The following ITIH2 variants were observed in gnomAD, a reference collection of about 807,000 sequenced individuals.
ITIH2 encodes inter-alpha-trypsin inhibitor heavy chain 2.
Under a neutral mutation model 104.4 loss-of-function variants are expected in ITIH2, and 103 were observed. The observed-to-expected ratio is 0.99, with a 90% CI of 0.84 to 1.16. The LOEUF is 1.16. Ranked by LOEUF, ITIH2 falls within the 50% of genes most tolerant of loss-of-function variation. ITIH2 has a pLI of 0.00. For synonymous variants in ITIH2, 436 were observed against 435.4 expected, an observed-to-expected ratio of 1.00 and a Z score of -0.02; for missense variants, 1,108 against 1,162.4, an observed-to-expected ratio of 0.95 and a Z score of 0.68.
At chr10:7,715,222 A>G (rs1037077472) in intron 5 of ITIH2, among the ~76,000 whole-genome samples, 1 of 152,154 alleles carries the variant, frequency 6.6e-6, no homozygotes. Context: ...GGAGACCGAG[A>G]CCATCCTGGC....
Position 7,741,039 on chromosome 10 carries a change from T to C in ITIH2, c.2096-2107T>C, listed in dbSNP as rs142005965. Among the ~76,000 whole-genome samples, 805 of 152,334 alleles carry C rather than the reference T, an allele frequency of 5.3e-3. 3 individuals are homozygous for C. Among genetic ancestry groups the C allele is most frequent in the African/African-American group, 0.018 (751 of 41,578 alleles). On this transcript the variant is annotated intron_variant, in intron 16 of 20. Coordinates refer to ENST00000358415, the MANE Select transcript of ITIH2 (RefSeq NM_002216.3). ...CACTGTTGCCTATCAGAAGGTCTGATTGGCGGGATTTGAGCTAATTAAATG... is the reference window on the plus strand; with the variant it reads ...CACTGTTGCCTATCAGAAGGTCTGACTGGCGGGATTTGAGCTAATTAAATG...
rs565650942 is a variant in ITIH2, at chr10:7,721,917, ATT to A, written c.867+141_867+142del. ...GCTGCAGAGAAGGGACTAAAATCAT[ATT>A]CTTTGAATATACCGCTAAGCATTAT... On this transcript the variant is annotated intron_variant, in intron 8 of 20. Transcript: ENST00000358415. The A allele has an allele frequency of 1.2e-3, 970 of 792,450 alleles. 6 individuals carry two copies. In the African/African-American group the frequency reaches 0.013, roughly 11 times the overall value. 49.1% of individuals were successfully genotyped at this position (792,450 alleles called of 1,614,324 possible).
chr10:7,727,752 A>G lies in ITIH2; in HGVS notation c.1203A>G (p.Glu401=), dbSNP rs1463470362. ...TACGGGCAATCTTCATTTTGAATGA[A>G]GCCAATAACTTGGGACTGTTAGACC... ...ALLRAIFILN[E]ANNLGLLDPN... The change falls in exon 11 of 21, where the codon GAA becomes GAG. Residue 401 remains glutamate, a synonymous_variant. Coordinates refer to ENST00000358415, the MANE Select transcript of ITIH2 (RefSeq NM_002216.3). 1.2e-6 allele frequency: 2 copies of G among 1,614,042 alleles called. No individual in the cohort carries two copies. Among genetic ancestry groups the G allele is most frequent in the African/African-American group, 1.3e-5 (1 of 74,934 alleles).
intron 19 of ITIH2, among the ~76,000 whole-genome samples, chr10:7,745,230 T>G (rs939441466): frequency 6.6e-6 from 1 of 152,180 alleles, no homozygotes; most frequent in African/African-American, 2.4e-5. Context: ...TGTTAAAGAT[T>G]TTTTTCTAAC....
At chr10:7,707,775 G>A (rs918646030) in intron 3 of ITIH2, among the ~76,000 whole-genome samples, 1 of 152,118 alleles carries the variant, frequency 6.6e-6, no homozygotes, top group Non-Finnish European at 1.5e-5. Flanking sequence ...ATGTTGGCCA[G>A]GCTGGTCTCG....
At chr10:7,722,109 G>A (rs560262969) in intron 8 of ITIH2, among the ~76,000 whole-genome samples, 2 of 152,090 alleles carry the variant, frequency 1.3e-5, no homozygotes, top group African/African-American at 2.4e-5. Context: ...CAGAGATTAC[G>A]GGGTGAGGAG....
At chr10:7,732,679 A>G (rs1835015111) in intron 14 of ITIH2, among the ~76,000 whole-genome samples, 1 of 142,488 alleles carries the variant, frequency 7.0e-6, no homozygotes, top group Non-Finnish European at 1.5e-5. Context: ...GGTATAACAT[A>G]CAGTAAAGTA....
intron 1 of ITIH2, among the ~76,000 whole-genome samples, chr10:7,704,198 A>G (rs912109514): frequency 6.6e-6 from 1 of 152,238 alleles, no homozygotes; most frequent in Admixed American, 6.5e-5. Context: ...AAAGCGAAGC[A>G]TGTTATGGGA....
intron 14 of ITIH2, 42 bp from the exon 15 acceptor site, chr10:7,734,880 A>T: frequency 1.3e-6 from 2 of 1,542,858 alleles, no homozygotes; most frequent in South Asian, 2.3e-5. Flanking sequence ...CTCCCCCTCC[A>T]ATGCAGCCAT....
chr10:7,718,209 A>G (rs569139209), intron 6 of ITIH2, among the ~76,000 whole-genome samples: 7 of 152,012 alleles, frequency 4.6e-5, no homozygotes, highest in African/African-American at 1.7e-4. Flanking sequence ...GATCACTCCA[A>G]TCTCTTCTTC....
In ITIH2 at chr10:7,705,139, C is replaced by A. The variant is rs375304274; in HGVS notation, c.116C>A (p.Ala39Asp). The A allele has an allele frequency of 1.2e-6, 2 of 1,611,958 alleles. No homozygotes were observed. Among genetic ancestry groups the A allele is most frequent in the African/African-American group, 1.3e-5 (1 of 74,620 alleles). The change falls in exon 2 of 21, where the codon GCC becomes GAC. Residue 39 changes from alanine to aspartate, a missense_variant. Coordinates refer to ENST00000358415, the MANE Select transcript of ITIH2 (RefSeq NM_002216.3). ...FVDYEDLVEL[A>D]PGKFQLVAEN... is the part of the protein sequence containing the mutation. Reference sequence around the variant, plus strand: ...GACTATGAAGATCTTGTGGAACTGGCCCCAGGCAAATTTCAATTGGTGGCA... The same window carrying A: ...GACTATGAAGATCTTGTGGAACTGGACCCAGGCAAATTTCAATTGGTGGCA...
At chr10:7,703,744 A>T (rs542628616) in intron 1 of ITIH2, among the ~76,000 whole-genome samples, 1 of 152,370 alleles carries the variant, frequency 6.6e-6, no homozygotes, top group African/African-American at 2.4e-5. Flanking sequence ...GGCAGGCATC[A>T]GAGCGTAGCA....
At chr10:7,748,989 C>T (rs527272396) in intron 20 of ITIH2, among the ~76,000 whole-genome samples, 198 bp from the exon 21 acceptor site, 9 of 152,234 alleles carry the variant, frequency 5.9e-5, no homozygotes, top group South Asian at 2.1e-4. Flanking sequence ...TCTCCAAGGA[C>T]GCTTCGCTGA....
chr10:7,719,717 T>C (rs1834882891), intron 6 of ITIH2, among the ~76,000 whole-genome samples: 1 of 120,670 alleles, frequency 8.3e-6, no homozygotes, highest in South Asian at 2.5e-4. Flanking sequence ...GCTATGATCA[T>C]GCCACTGCAC....
Position 7,728,423 on chromosome 10 carries a change from C to A in ITIH2, c.1279+595C>A, listed in dbSNP as rs186576334. On this transcript the variant is annotated intron_variant, in intron 11 of 20. Transcript: ENST00000358415. ...TGAAGACAGGGTCTTGCTCTGTCAC[C>A]CAGGAGGGAGTGCAGTGGAGCACAC... is the stretch of plus-strand genomic sequence containing the variant. Among the ~76,000 whole-genome samples, 3 of 152,184 alleles carry A rather than the reference C, an allele frequency of 2.0e-5. No individual in the cohort carries two copies. In the East Asian group the frequency reaches 5.8e-4, roughly 29 times the overall value.
chr10:7,732,502 C>T (rs754991253), intron 14 of ITIH2, 25 bp downstream of exon 14: 2 of 1,597,628 alleles, frequency 1.3e-6, no homozygotes, highest in East Asian at 4.5e-5. Context: ...GTACCCACAC[C>T]ACGAGATCTG....
At chr10:7,719,760 C>CAAA (rs71385664) in intron 6 of ITIH2, among the ~76,000 whole-genome samples, 689 of 41,528 alleles carry the variant, frequency 0.017, 39 homozygotes, top group African/African-American at 0.055. Flanking sequence ...GACCCTGTCT[C>CAAA]AAAAAAAAAA....
At chr10:7,715,737 A>C (rs1428604768) in intron 5 of ITIH2, among the ~76,000 whole-genome samples, 1 of 152,082 alleles carries the variant, frequency 6.6e-6, no homozygotes, top group East Asian at 1.9e-4. Context: ...TTGCTTACTT[A>C]TTTATTTCTT....
rs368008504 is a variant in ITIH2 at position 7,744,127 on chromosome 10, A to G, written c.2255A>G (p.Asn752Ser). 30 of 1,614,076 alleles carry G rather than the reference A, an allele frequency of 1.9e-5. No homozygotes were observed. Among genetic ancestry groups the G allele is most frequent in the Non-Finnish European group, 2.4e-5 (28 of 1,180,032 alleles). The change falls in exon 18 of 21, where the codon AAT becomes AGT. Residue 752 changes from asparagine (N) to serine (S), a missense_variant. Asn to Ser is a conservative substitution (Grantham distance 46). Transcript: ENST00000358415. The stretch of plus-strand genomic sequence containing the variant: ...CTTGTTGGTGCCAAGAAGCCCAACA[A>G]TGGAAAACTAAGCACCTATTTTGGA... ...GQLVGAKKPN[N>S]GKLSTYFGKL...
Sources: allele counts gnomAD v4.1 joint callset (sites outside exome capture counted in the v4.1 genomes callset), GRCh38; gene constraint gnomAD v4.1.1; transcripts MANE v1.5; gene names NCBI Gene and HGNC (gene_info 2026-07-23, HGNC 2026-07-21).